THSD7B: variants seen among roughly 807,000 people sequenced by gnomAD.
THSD7B encodes thrombospondin type 1 domain containing 7B.
THSD7B carries 138 observed loss-of-function variants against 213.6 expected under a neutral mutation model. The observed-to-expected ratio is 0.65, with a 90% CI of 0.56 to 0.74. The LOEUF is 0.74. THSD7B is among the 30% of genes least tolerant of loss of function. The pLI is 0.00. For synonymous variants in THSD7B, 742 were observed against 687.0 expected (o/e 1.08, Z -1.25); for missense variants, 1,931 against 1,991.5 (o/e 0.97, Z 0.58).
At chr2:137,273,016 G>A (rs1682783697) in intron 11 of THSD7B, among the ~76,000 whole-genome samples, 1 of 121,078 alleles carries the variant, frequency 8.3e-6, no homozygotes. Context: ...ACACACACGG[G>A]AGAAGGAATA....
intron 2 of THSD7B, among the ~76,000 whole-genome samples, chr2:136,884,919 T>C (rs1358293067): frequency 6.6e-6 from 1 of 152,186 alleles, no homozygotes; most frequent in Non-Finnish European, 1.5e-5. Flanking sequence ...TAAGCAATAA[T>C]AAATTGATTT....
intron 10 of THSD7B, among the ~76,000 whole-genome samples, chr2:137,259,214 G>A (rs1475261675): frequency 6.6e-6 from 1 of 152,032 alleles, no homozygotes. Flanking sequence ...GATGGGGTTG[G>A]TGGGTCAAAT....
chr2:137,179,515 A>G (rs765229265), intron 7 of THSD7B, among the ~76,000 whole-genome samples: 5 of 152,076 alleles, frequency 3.3e-5, no homozygotes, highest in Non-Finnish European at 5.9e-5. Flanking sequence ...AAGGAAAAGT[A>G]ATCAGAGGTT....
At chr2:137,528,291 C>A (rs1680317442) in intron 15 of THSD7B, among the ~76,000 whole-genome samples, 1 of 152,048 alleles carries the variant, frequency 6.6e-6, no homozygotes, top group African/African-American at 2.4e-5. Flanking sequence ...CAGCCCTAGA[C>A]TTTAATTTCC....
chr2:137,654,537 A>G (rs899433302), intron 21 of THSD7B, among the ~76,000 whole-genome samples: 4 of 152,042 alleles, frequency 2.6e-5, no homozygotes, highest in Non-Finnish European at 4.4e-5. Context: ...TCAATCTCAC[A>G]TTTTGCAGCA....
chr2:136,774,568 A>G (rs1373043762), intron 1 of THSD7B, among the ~76,000 whole-genome samples: 1 of 152,112 alleles, frequency 6.6e-6, no homozygotes, highest in Non-Finnish European at 1.5e-5. Flanking sequence ...TGTACATGAC[A>G]ATGTGAAACA....
At chr2:137,093,675 G>A (rs970506747) in intron 3 of THSD7B, among the ~76,000 whole-genome samples, 3 of 152,004 alleles carry the variant, frequency 2.0e-5, no homozygotes, top group Admixed American at 1.3e-4. Context: ...GCCTTACCGG[G>A]GGTTCATCAC....
chr2:137,151,481 A>G (rs1211847903), intron 5 of THSD7B, among the ~76,000 whole-genome samples: 2 of 151,862 alleles, frequency 1.3e-5, no homozygotes, highest in Non-Finnish European at 2.9e-5. Flanking sequence ...TGGAGCTGCT[A>G]TCTCCTCTGT....
At chr2:137,280,839 G>A (rs562931631) in intron 12 of THSD7B, among the ~76,000 whole-genome samples, 53 of 152,196 alleles carry the variant, frequency 3.5e-4, no homozygotes, top group African/African-American at 1.2e-3. Flanking sequence ...AAGAAAAGCC[G>A]AGATGCTGTC....
At chr2:136,865,456 T>C (rs944713774) in intron 1 of THSD7B, among the ~76,000 whole-genome samples, 3 of 152,240 alleles carry the variant, frequency 2.0e-5, no homozygotes, top group Non-Finnish European at 4.4e-5. Context: ...GGATTAATTT[T>C]CTGTCATTGG....
rs895586400 is a variant in THSD7B at position 136,844,490 on chromosome 2, G to GAGAGAGAGAGAGAGAC, written c.-35-37649_-35-37648insGAGAGAGAGACAGAGA. ...AGAGAGAGAGAGAGAGAGAGAGAGAGAGAGACAGAGAGATCGGTTTTCTGG... is the reference window on the plus strand; with the variant it reads ...AGAGAGAGAGAGAGAGAGAGAGAGAGAGAGAGAGAGAGAGACAGAGACAGAGAGATCGGTTTTCTGG... On this transcript the variant is annotated intron_variant, in intron 1 of 27. Transcript: ENST00000409968. Among the ~76,000 whole-genome samples, 713 of 149,522 alleles carry GAGAGAGAGAGAGAGAC rather than the reference G, an allele frequency of 4.8e-3. 5 individuals are homozygous for GAGAGAGAGAGAGAGAC. Among genetic ancestry groups the GAGAGAGAGAGAGAGAC allele is most frequent in the African/African-American group, 0.017 (671 of 39,864 alleles).
intron 12 of THSD7B, among the ~76,000 whole-genome samples, chr2:137,324,463 G>C (rs75886041): frequency 6.7e-6 from 1 of 149,248 alleles, no homozygotes; most frequent in East Asian, 2.0e-4. Context: ...ATTTCTGTGT[G>C]TTTTATAATT....
intron 1 of THSD7B, among the ~76,000 whole-genome samples, chr2:136,787,776 G>T (rs1681893416): frequency 6.6e-6 from 1 of 152,046 alleles, no homozygotes. Context: ...TTTATCCAGT[G>T]AAATATGAGA....
intron 2 of THSD7B, among the ~76,000 whole-genome samples, chr2:137,006,647 A>G (rs559743447): frequency 1.3e-5 from 2 of 152,314 alleles, no homozygotes; most frequent in Admixed American, 1.3e-4. Flanking sequence ...AATAAGCAAG[A>G]TATAGCTAAA....
intron 1 of THSD7B, among the ~76,000 whole-genome samples, chr2:136,833,507 T>C (rs955478819): frequency 1.4e-5 from 2 of 146,096 alleles, no homozygotes; most frequent in Admixed American, 1.4e-4. Context: ...TTTAAGGCAA[T>C]AATTAGAGCT....
intron 1 of THSD7B, among the ~76,000 whole-genome samples, chr2:136,785,136 C>T (rs1681817614): frequency 6.6e-6 from 1 of 152,182 alleles, no homozygotes; most frequent in Non-Finnish European, 1.5e-5. Context: ...TAAACCATTG[C>T]TGCTCCTGGG....
At chr2:137,086,074 C>A (rs537827702) in intron 3 of THSD7B, among the ~76,000 whole-genome samples, 7 of 152,068 alleles carry the variant, frequency 4.6e-5, no homozygotes, top group African/African-American at 1.7e-4. Flanking sequence ...TGGCTGGGTG[C>A]GGTGGCTTAT....
chr2:137,316,838 G>T (rs1369200217), intron 12 of THSD7B, among the ~76,000 whole-genome samples: 1 of 152,042 alleles, frequency 6.6e-6, no homozygotes, highest in Non-Finnish European at 1.5e-5. Flanking sequence ...GAGAGGATGG[G>T]GAGGAGAGAG....
chr2:137,118,511 C>A (rs548805673), intron 5 of THSD7B, among the ~76,000 whole-genome samples: 2 of 152,158 alleles, frequency 1.3e-5, no homozygotes, highest in Admixed American at 1.3e-4. Context: ...ATTTAAAAAT[C>A]CAGAAAAATT....
Sources: gnomAD v4.1 joint callset for allele counts (sites outside exome capture counted in the v4.1 genomes callset) on GRCh38, gnomAD v4.1.1 for gene constraint, MANE v1.5 for transcripts, NCBI Gene and HGNC (gene_info 2026-07-23, HGNC 2026-07-21) for gene names.